The following GALNT17 variants were observed in gnomAD, a reference collection of about 807,000 sequenced individuals.
The protein encoded by GALNT17 is polypeptide N-acetylgalactosaminyltransferase 17, also known as UDP-GalNAc:polypeptide N-acetylgalactosaminyltransferase-like 3.
GALNT17 carries 29 observed loss-of-function variants against 63.7 expected under a neutral mutation model. That is an observed-to-expected ratio of 0.46 (90% CI 0.34 to 0.62). GALNT17 has a LOEUF of 0.62. Among genes scored for constraint, GALNT17 ranks in the 20% least tolerant of loss-of-function variants. The pLI is 0.01. For missense variants in GALNT17, 603 were observed against 799.6 expected (o/e 0.75, Z 2.97); for synonymous variants, 305 against 318.3 (o/e 0.96, Z 0.45).
chr7:71,375,647 T>TG lies in GALNT17; in HGVS notation c.423-12584dup, dbSNP rs371164600. On this transcript the variant is annotated intron_variant, in intron 2 of 10. Coordinates refer to ENST00000333538, the MANE Select transcript of GALNT17 (RefSeq NM_022479.3). ...GCTGCCCAGGCTGGTCTCAAACTCT[T>TG]GGGGTCAAGTGATCCTCCTCCCTGG... Among the ~76,000 whole-genome samples the TG allele has an allele frequency of 4.4e-3, 676 of 152,290 alleles. 3 individuals are homozygous for TG. The highest frequency in any genetic ancestry group is 0.015 in the African/African-American group (644 of 41,582).
chr7:71,191,368 AT>A (rs1788949276), intron 1 of GALNT17, among the ~76,000 whole-genome samples: 1 of 142,320 alleles, frequency 7.0e-6, no homozygotes, highest in South Asian at 2.2e-4. Flanking sequence ...TTTTTTTTGC[AT>A]TTTTCTCAAG....
At chr7:71,649,288 C>A (rs1262202241) in intron 6 of GALNT17, among the ~76,000 whole-genome samples, 1 of 152,140 alleles carries the variant, frequency 6.6e-6, no homozygotes, top group Non-Finnish European at 1.5e-5. Context: ...TTTTTTAGGA[C>A]CACCAGTTTC....
At chr7:71,255,375 T>C (rs1207887535) in intron 1 of GALNT17, among the ~76,000 whole-genome samples, 1 of 152,242 alleles carries the variant, frequency 6.6e-6, no homozygotes, top group African/African-American at 2.4e-5. Flanking sequence ...GATGTACCTT[T>C]CACCTTCCAC....
intron 2 of GALNT17, among the ~76,000 whole-genome samples, chr7:71,349,214 G>C (rs762864580): frequency 2.8e-4 from 42 of 152,344 alleles, no homozygotes; most frequent in South Asian, 1.4e-3. Flanking sequence ...GGCAGCAGGA[G>C]AGAACCACGG....
At position 71,335,705 on chromosome 7, in the gene GALNT17, C is replaced by T; in HGVS notation, c.394C>T (p.Arg132Cys). The change falls in exon 2 of 11, where the codon CGT (arginine) becomes TGT (cysteine). Residue 132 changes from arginine (R) to cysteine (C), a missense_variant. Physicochemically the swap from Arg to Cys is radical, Grantham distance 180. This residue lies in a region of GALNT17 where 195 missense variants were observed against 215.0 expected (regional missense o/e 0.91). Transcript: ENST00000333538. The stretch of plus-strand genomic sequence containing the variant: ...CCTCAGTGAAAAAATTTCACTGGAC[C>T]GTTCCATTCCGGATTATCGTCCCAC... ...SYLSEKISLD[R>C]SIPDYRPTKC... 1.2e-6 allele frequency: 2 copies of T among 1,606,584 alleles called. No homozygotes were observed. The highest frequency in any genetic ancestry group is 1.1e-5 in the South Asian group (1 of 89,574).
chr7:71,346,748 G>GGGGGGC (rs1792102819), intron 2 of GALNT17, among the ~76,000 whole-genome samples: 1 of 149,846 alleles, frequency 6.7e-6, no homozygotes, highest in South Asian at 2.1e-4. Flanking sequence ...TTGCCTGTTG[G>GGGGGGC]GGGGGCGGGG....
intron 1 of GALNT17, among the ~76,000 whole-genome samples, chr7:71,180,218 C>T (rs1281070730): frequency 3.9e-5 from 6 of 152,016 alleles, no homozygotes; most frequent in East Asian, 3.9e-4. Flanking sequence ...CTCTGCCTCC[C>T]GGGTTCAGTC....
intron 9 of GALNT17, among the ~76,000 whole-genome samples, chr7:71,688,440 C>T (rs1363881707): frequency 5.3e-5 from 8 of 152,156 alleles, no homozygotes; most frequent in Admixed American, 5.2e-4. Flanking sequence ...TTTCTGCTTG[C>T]TGAGATTTTC....
At chr7:71,452,634 G>T (rs537043318) in intron 5 of GALNT17, among the ~76,000 whole-genome samples, 97 of 152,278 alleles carry the variant, frequency 6.4e-4, no homozygotes, top group Middle Eastern at 3.4e-3. Context: ...AGTATTTATT[G>T]GGTAGAAAAG....
chr7:71,610,753 A>C lies in GALNT17; in HGVS notation c.1080+39351A>C, dbSNP rs148705482. 1.5e-3 allele frequency among the ~76,000 whole-genome samples: 229 copies of C among 152,226 alleles called. 1 individual carries two copies. The highest frequency in any genetic ancestry group is 5.1e-3 in the African/African-American group (213 of 41,550). On this transcript the variant is annotated intron_variant, in intron 6 of 10. Coordinates refer to ENST00000333538, the MANE Select transcript of GALNT17 (RefSeq NM_022479.3). ...CTCATGCCTGCACTTTGGGAGGCTGAGGTGAGCGGATCACCTGAGGTCAGG... is the reference window on the plus strand; with the variant it reads ...CTCATGCCTGCACTTTGGGAGGCTGCGGTGAGCGGATCACCTGAGGTCAGG...
At chr7:71,657,236 A>G (rs1261439289) in intron 6 of GALNT17, among the ~76,000 whole-genome samples, 1 of 152,198 alleles carries the variant, frequency 6.6e-6, no homozygotes, top group Non-Finnish European at 1.5e-5. Context: ...CAAGAGGAAT[A>G]TATTAGCACT....
At chr7:71,261,940 A>G (rs550658966) in intron 1 of GALNT17, among the ~76,000 whole-genome samples, 20 of 152,220 alleles carry the variant, frequency 1.3e-4, no homozygotes, top group African/African-American at 4.6e-4. Flanking sequence ...AGAGGTGACG[A>G]GCTTGGGCCC....
At chr7:71,703,736 C>T (rs1456628582) in intron 9 of GALNT17, among the ~76,000 whole-genome samples, 1 of 151,980 alleles carries the variant, frequency 6.6e-6, no homozygotes, top group East Asian at 1.9e-4. Context: ...TCATAAAGAT[C>T]CGGTTATATT....
chr7:71,643,766 T>C (rs1326948552), intron 6 of GALNT17, among the ~76,000 whole-genome samples: 2 of 152,136 alleles, frequency 1.3e-5, no homozygotes, highest in African/African-American at 4.8e-5. Flanking sequence ...CTAGAAGATA[T>C]GCCAGACACG....
chr7:71,670,436 G>A (rs779180225), intron 8 of GALNT17, among the ~76,000 whole-genome samples: 1 of 152,180 alleles, frequency 6.6e-6, no homozygotes, highest in South Asian at 2.1e-4. Flanking sequence ...TGGATGTAAC[G>A]AGAGGCAGGA....
Position 71,420,998 on chromosome 7 carries a change from G to A in GALNT17, c.855G>A (p.Val285=), listed in dbSNP as rs1334732232. The A allele has an allele frequency of 6.2e-7, 1 of 1,614,176 alleles. No homozygotes were observed. The highest frequency in any genetic ancestry group is 8.5e-7 in the Non-Finnish European group (1 of 1,180,022). Residue 285 remains valine, a synonymous_variant, in exon 5 of 11, where the codon GTG becomes GTA. Transcript: ENST00000333538. ...IDNIKQDNFE[V]QRYENSAHGY... is the part of the protein sequence containing the mutation. ...ACATCAAACAGGACAACTTTGAGGT[G>A]CAGCGGTACGAGAACTCGGCCCACG...
chr7:71,267,272 A>G (rs986027183), intron 1 of GALNT17, among the ~76,000 whole-genome samples: 2 of 152,008 alleles, frequency 1.3e-5, no homozygotes, highest in Admixed American at 6.5e-5. Context: ...GCAATTGGCT[A>G]TTGCCAGGAT....
At chr7:71,187,445 C>T (rs956130023) in intron 1 of GALNT17, among the ~76,000 whole-genome samples, 13 of 151,996 alleles carry the variant, frequency 8.6e-5, no homozygotes, top group Non-Finnish European at 1.2e-4. Context: ...TGAGAGGAAC[C>T]GGTGGAAATT....
At chr7:71,237,865 G>A (rs1311262520) in intron 1 of GALNT17, among the ~76,000 whole-genome samples, 1 of 152,162 alleles carries the variant, frequency 6.6e-6, no homozygotes, top group African/African-American at 2.4e-5. Flanking sequence ...TCAAATAGGA[G>A]TGTGGACTGG....
Sources: gnomAD v4.1 joint callset for allele counts (sites outside exome capture counted in the v4.1 genomes callset) on GRCh38, gnomAD v4.1.1 for gene constraint, gnomAD v4.1.1 regional missense constraint, MANE v1.5 for transcripts, NCBI Gene and HGNC (gene_info 2026-07-23, HGNC 2026-07-21) for gene names.